Variants in SIN3A observed in about 807,000 individuals in gnomAD.
SIN3A encodes the protein paired amphipathic helix protein Sin3a.
A neutral mutation model predicts 146.1 loss-of-function variants in SIN3A; 14 were observed. That is an observed-to-expected ratio of 0.10 (90% CI 0.06 to 0.15). The LOEUF is 0.15. Ranked by LOEUF, SIN3A falls within the 10% of genes least tolerant of loss-of-function variation. The pLI is 1.00. For synonymous variants in SIN3A, 572 were observed against 572.0 expected, an observed-to-expected ratio of 1.00 and a Z score of 0.00; for missense variants, 1,028 against 1,576.0, an observed-to-expected ratio of 0.65 and a Z score of 5.89.
chr15:75,379,241 C>T (rs1377171491), intron 19 of SIN3A, among the ~76,000 whole-genome samples: 1 of 152,130 alleles, frequency 6.6e-6, no homozygotes, highest in Non-Finnish European at 1.5e-5. Flanking sequence ...GAAAACATTT[C>T]TTTGTTTTTA....
At chr15:75,387,699 A>AT (rs530648940) in intron 16 of SIN3A, among the ~76,000 whole-genome samples, 21 of 149,554 alleles carry the variant, frequency 1.4e-4, no homozygotes, top group African/African-American at 2.0e-4. Context: ...GTTTTATTGG[A>AT]TTTTTTTTTT....
intron 9 of SIN3A, among the ~76,000 whole-genome samples, chr15:75,404,155 C>A (rs557036585): frequency 6.6e-6 from 1 of 152,312 alleles, no homozygotes; most frequent in African/African-American, 2.4e-5. Context: ...AACCCCTGCT[C>A]CAGACTTCCG....
In SIN3A at chr15:75,414,311, C is replaced by A; in HGVS notation, c.367G>T (p.Val123Leu). The A allele has an allele frequency of 6.8e-7, 1 of 1,467,518 alleles. No individual in the cohort carries two copies. Among genetic ancestry groups the A allele is most frequent in the Non-Finnish European group, 9.2e-7 (1 of 1,088,378 alleles). The allele number at this position is 1,467,518 out of a possible 1,614,324, so 90.9% of individuals were successfully genotyped here. The stretch of plus-strand genomic sequence containing the variant: ...TCAAGATAAGATAGCGCATCCTCCA[C>A]CTGAGGCAGGGATAAATATCAAGGT... Reference protein sequence around the residue: ...QGQQQFQRLKVEDALSYLDQV... With the variant: ...QGQQQFQRLKLEDALSYLDQV... Residue 123 changes from valine (V) to leucine (L), a missense_variant and splice_region_variant, in exon 4 of 21, where the codon GTG becomes TTG. Physicochemically the swap from Val to Leu is conservative, Grantham distance 32. Around this residue, in one of 9 missense-constraint regions of SIN3A, gnomAD observed 152 missense variants for 231.5 expected, o/e 0.66. Transcript: ENST00000394947.
At chr15:75,391,956 A>T (rs2073211377) in intron 15 of SIN3A, among the ~76,000 whole-genome samples, 1 of 152,184 alleles carries the variant, frequency 6.6e-6, no homozygotes, top group Admixed American at 6.5e-5. Flanking sequence ...GTAACCCAGA[A>T]ATCTGCCATT....
At chr15:75,421,621 A>G (rs1019714762) in intron 3 of SIN3A, 3 of 152,194 alleles carry the variant, frequency 2.0e-5, no homozygotes, top group Non-Finnish European at 2.9e-5. Context: ...CTGCATATGG[A>G]TATGTCCTTA....
chr15:75,389,096 TA>T (rs2073147271), intron 16 of SIN3A, among the ~76,000 whole-genome samples: 1 of 152,184 alleles, frequency 6.6e-6, no homozygotes, highest in Non-Finnish European at 1.5e-5. Flanking sequence ...CAGAGTATTA[TA>T]AAAGATGTTA....
chr15:75,389,703 A>G lies in SIN3A; in HGVS notation c.2970T>C (p.His990=). Residue 990 remains histidine (H), a synonymous_variant, in exon 16 of 21, where the codon CAT becomes CAC. Coordinates refer to ENST00000394947, the MANE Select transcript of SIN3A (RefSeq NM_001145358.2). The part of the protein sequence containing the change: ...EDSLREMFTI[H]AYIAFTMDKL... Reference sequence around the variant, plus strand: ...TGTCCATGGTAAAGGCAATGTAGGCATGAATGGTGAACATCTCTCTCAGTG... The same window carrying G: ...TGTCCATGGTAAAGGCAATGTAGGCGTGAATGGTGAACATCTCTCTCAGTG... 1 of 1,614,140 alleles carries G rather than the reference A, an allele frequency of 6.2e-7. No homozygotes were observed. The highest frequency in any genetic ancestry group is 8.5e-7 in the Non-Finnish European group (1 of 1,180,020).
chr15:75,430,977 C>G (rs918376797), intron 1 of SIN3A, among the ~76,000 whole-genome samples: 1 of 152,064 alleles, frequency 6.6e-6, no homozygotes, highest in Non-Finnish European at 1.5e-5. Context: ...GGGGTTTCAC[C>G]GAGTTACCCA....
intron 1 of SIN3A, among the ~76,000 whole-genome samples, chr15:75,440,799 G>A (rs1438092093): frequency 6.6e-6 from 1 of 151,952 alleles, no homozygotes; most frequent in Non-Finnish European, 1.5e-5. Context: ...TGGCTAACAA[G>A]GTGAAGCCCC....
intron 3 of SIN3A, among the ~76,000 whole-genome samples, chr15:75,418,134 C>T (rs779521594): frequency 3.9e-5 from 6 of 151,918 alleles, no homozygotes; most frequent in Non-Finnish European, 8.8e-5. Flanking sequence ...CGGGTTCAAG[C>T]GATTCTCCTG....
chr15:75,410,018 A>G, intron 7 of SIN3A, 27 bp from the exon 8 acceptor site: 2 of 1,612,536 alleles, frequency 1.2e-6, no homozygotes, highest in Non-Finnish European at 1.7e-6. Context: ...AATGAGATTA[A>G]TGCTCTTATC....
intron 5 of SIN3A, 127 bp from the exon 6 acceptor site, chr15:75,411,870 T>C: frequency 1.0e-6 from 1 of 953,304 alleles, no homozygotes; most frequent in Non-Finnish European, 1.5e-6. Flanking sequence ...CAGGTCATTT[T>C]AGTCCAACAC....
intron 20 of SIN3A, 28 bp downstream of exon 20, chr15:75,375,637 T>C: frequency 1.9e-6 from 3 of 1,584,130 alleles, no homozygotes; most frequent in Non-Finnish European, 2.6e-6. Context: ...GGGAGATGTG[T>C]ACAGAAATTT....
At chr15:75,414,552 G>A (rs1595909687) in intron 3 of SIN3A, among the ~76,000 whole-genome samples, 1 of 152,204 alleles carries the variant, frequency 6.6e-6, no homozygotes, top group South Asian at 2.1e-4. Flanking sequence ...GATCAGTGAA[G>A]AATAATTACA....
At chr15:75,421,954 A>T (rs1194896265) in intron 3 of SIN3A, 2 of 152,100 alleles carry the variant, frequency 1.3e-5, no homozygotes, top group Admixed American at 1.3e-4. Context: ...ATTCATTCAC[A>T]GTTACAGTTT....
chr15:75,453,430 G>A (rs2141656476), upstream of SIN3A: 1 of 152,344 alleles, frequency 6.6e-6, no homozygotes, highest in East Asian at 1.9e-4. Flanking sequence ...ACTGACCCAC[G>A]GCTACTTTTA....
chr15:75,431,676 T>C (rs2074016218), intron 1 of SIN3A, among the ~76,000 whole-genome samples: 2 of 152,136 alleles, frequency 1.3e-5, no homozygotes, highest in Admixed American at 6.6e-5. Context: ...CTTTACCTAA[T>C]TCATAAGTCT....
chr15:75,371,683 T>C lies in SIN3A; in HGVS notation c.*296A>G, dbSNP rs1567301294. 1 of 376,662 alleles carries C rather than the reference T, an allele frequency of 2.7e-6. No homozygotes were observed. The highest frequency in any genetic ancestry group is 4.8e-6 in the Non-Finnish European group (1 of 207,662). 23.3% of individuals were successfully genotyped at this position (376,662 alleles called of 1,614,324 possible). A position where few individuals can be genotyped will look rare whatever the true frequency, so the allele number is the denominator to read the frequency against. On this transcript the variant is annotated 3_prime_UTR_variant, in exon 21 of 21. Transcript: ENST00000394947. ...GAGACTCCAGTCTTAGCTCTGCTGG[T>C]GTGTGCAAGCAAACTGCATGTCTTT...
At chr15:75,432,435 C>T (rs2074027925) in intron 1 of SIN3A, among the ~76,000 whole-genome samples, 7 of 152,068 alleles carry the variant, frequency 4.6e-5, no homozygotes, top group Non-Finnish European at 8.8e-5. Flanking sequence ...ACCTGTAATC[C>T]CAGCACTTTG....
Sources: allele counts gnomAD v4.1 joint callset (sites outside exome capture counted in the v4.1 genomes callset), GRCh38; gene constraint gnomAD v4.1.1; regional missense constraint gnomAD v4.1.1; transcripts MANE v1.5; gene names NCBI Gene and HGNC (gene_info 2026-07-23, HGNC 2026-07-21).